The following WHRN variants were observed in gnomAD, a reference collection of about 807,000 sequenced individuals.
WHRN encodes whirlin, also known as CASK-interacting protein CIP98.
In WHRN, 41 loss-of-function variants were observed where a neutral mutation model predicts 68.3. The ratio of observed to expected loss-of-function variants is 0.60; its 90% CI spans 0.47 to 0.78. The LOEUF (loss-of-function observed/expected upper bound fraction) is 0.78, where lower values mean the gene tolerates loss of function less well. Ranked by LOEUF, WHRN falls within the 30% of genes least tolerant of loss-of-function variation. The pLI, the probability that WHRN is intolerant of heterozygous loss-of-function variation, is 0.00. For missense variants in WHRN, 1,243 were observed against 1,244.7 expected, an observed-to-expected ratio of 1.00 and a Z score of 0.02; for synonymous variants, 560 against 561.3, an observed-to-expected ratio of 1.00 and a Z score of 0.03.
chr9:114,504,977 T>G lies in WHRN; in HGVS notation c.-176A>C. Reference sequence around the variant, plus strand: ...CCTAGGGGGTCGCGGAGACCGCTGCTAGAGTCCCGGAGGCGCGAAGACGGC... The same window carrying G: ...CCTAGGGGGTCGCGGAGACCGCTGCGAGAGTCCCGGAGGCGCGAAGACGGC... On this transcript the variant is annotated 5_prime_UTR_variant, in exon 1 of 12. Transcript: ENST00000362057. 1.0e-6 allele frequency: 1 copy of G among 957,288 alleles called. No individual in the cohort carries two copies. The allele number at this position is 957,288 out of a possible 1,614,324, so 59.3% of individuals were successfully genotyped here.
intron 2 of WHRN, among the ~76,000 whole-genome samples, chr9:114,469,202 G>C (rs567208970): frequency 6.6e-6 from 1 of 152,214 alleles, no homozygotes; most frequent in African/African-American, 2.4e-5. Context: ...CAGCAGGTGC[G>C]ACCTGGAAAG....
In WHRN at chr9:114,402,724, C is replaced by A. The variant is rs376359022; in HGVS notation, c.*30G>T. 47 of 1,612,884 alleles carry A rather than the reference C, an allele frequency of 2.9e-5. No individual in the cohort carries two copies. In the African/African-American group the frequency reaches 6.0e-4, roughly 21 times the overall value. On this transcript the variant is annotated 3_prime_UTR_variant, in exon 12 of 12. Coordinates refer to ENST00000362057, the MANE Select transcript of WHRN (RefSeq NM_015404.4). ...AAAGGGACTGGGACCAGGGGCTGGG[C>A]AGTGGTGGGAGGCCCTCAGGCCTTG...
In WHRN at chr9:114,434,395, T is replaced by C. The variant is rs190804671; in HGVS notation, c.964-7982A>G. Among the ~76,000 whole-genome samples, 35 of 152,302 alleles carry C rather than the reference T, an allele frequency of 2.3e-4. No individual in the cohort carries two copies. In the East Asian group the frequency reaches 5.6e-3, roughly 24 times the overall value. On this transcript the variant is annotated intron_variant, in intron 3 of 11. Coordinates refer to ENST00000362057, the MANE Select transcript of WHRN (RefSeq NM_015404.4). Reference sequence around the variant, plus strand: ...ACTAGGCTGTCCAACAACTATTATTTACATTTAAATTACAATAAAATTAAA... The same window carrying C: ...ACTAGGCTGTCCAACAACTATTATTCACATTTAAATTACAATAAAATTAAA...
At chr9:114,479,058 C>T (rs563949384) in intron 1 of WHRN, among the ~76,000 whole-genome samples, 12 of 152,304 alleles carry the variant, frequency 7.9e-5, no homozygotes, top group Admixed American at 3.3e-4. Flanking sequence ...CAGGAAGGCT[C>T]GTTTACAAGG....
chr9:114,471,943 CA>C (rs2133048362), intron 2 of WHRN, among the ~76,000 whole-genome samples: 1 of 152,324 alleles, frequency 6.6e-6, no homozygotes, highest in African/African-American at 2.4e-5. Context: ...AGCTGTGAAG[CA>C]ATGAGCCCAA....
intron 5 of WHRN, 56 bp from the exon 6 acceptor site, chr9:114,424,602 G>A (rs1836643847): frequency 6.5e-7 from 1 of 1,533,572 alleles, no homozygotes; most frequent in Admixed American, 1.9e-5. Flanking sequence ...GAGCTGAGTG[G>A]CCATGCCACT....
intron 1 of WHRN, among the ~76,000 whole-genome samples, chr9:114,490,539 T>C (rs1842893712): frequency 7.7e-6 from 1 of 130,268 alleles, no homozygotes; most frequent in Non-Finnish European, 1.6e-5. Context: ...AAAAAAGATA[T>C]AAAAACCAAC....
At position 114,423,415 on chromosome 9, in the gene WHRN, G is replaced by C. The variant is rs199867371; in HGVS notation, c.1525C>G (p.Pro509Ala). 406 of 1,614,068 alleles carry C rather than the reference G, an allele frequency of 2.5e-4. 3 individuals are homozygous for C. Among genetic ancestry groups the C allele is most frequent in the Non-Finnish European group, 3.6e-5 (42 of 1,180,002 alleles). Residue 509 changes from proline (P) to alanine (A), a missense_variant, in exon 7 of 12, where the codon CCA (proline) becomes GCA (alanine). Physicochemically the swap from Pro to Ala is conservative, Grantham distance 27. Coordinates refer to ENST00000362057, the MANE Select transcript of WHRN (RefSeq NM_015404.4). ...EIESMKARQP[P>A]GPGAGDTYSM... is the part of the protein sequence containing the mutation. ...TAGGTGTCCCCAGCCCCGGGGCCTG[G>C]GGGCTGCCGCGCCTTCATGGACTCA...
At chr9:114,405,059 T>A (rs191922156) in intron 9 of WHRN, among the ~76,000 whole-genome samples, 1,360 of 119,632 alleles carry the variant, frequency 0.011, 26 homozygotes, top group African/African-American at 0.039. Flanking sequence ...TACTACTTTC[T>A]CTCTCTCTCT....
Position 114,402,474 on chromosome 9 carries a change from C to G in WHRN, c.*280G>C. The G allele has an allele frequency of 2.0e-6, 1 of 498,240 alleles. No individual in the cohort carries two copies. The highest frequency in any genetic ancestry group is 2.1e-5 in the South Asian group (1 of 47,938). 30.9% of individuals were successfully genotyped at this position (498,240 alleles called of 1,614,324 possible). A position where few individuals can be genotyped will look rare whatever the true frequency, so the allele number is the denominator to read the frequency against. On this transcript the variant is annotated 3_prime_UTR_variant, in exon 12 of 12. Transcript: ENST00000362057. ...AACCCAACCTGGAGAAACCAGCACT[C>G]TGCCCTTCCTTTTCCTTTCTTCCTG...
chr9:114,474,281 C>T (rs1390625740), intron 2 of WHRN, among the ~76,000 whole-genome samples: 1 of 152,184 alleles, frequency 6.6e-6, no homozygotes, highest in Non-Finnish European at 1.5e-5. Flanking sequence ...TAGCCATCCT[C>T]ACCCCTCTTG....
In WHRN at chr9:114,458,422, A is replaced by G. The variant is rs527382576; in HGVS notation, c.963+7845T>C. Among the ~76,000 whole-genome samples the G allele has an allele frequency of 4.5e-4, 68 of 152,342 alleles. 1 individual carries two copies. The highest frequency in any genetic ancestry group is 1.3e-3 in the Admixed American group (20 of 15,306). On this transcript the variant is annotated intron_variant, in intron 3 of 11. Coordinates refer to ENST00000362057, the MANE Select transcript of WHRN (RefSeq NM_015404.4). ...GCAAATGTGTATTTTTGCGGGCTTC[A>G]TATTATCATTTTTTCCTATTGTGAT... is the stretch of plus-strand genomic sequence containing the variant.
intron 8 of WHRN, 41 bp from the exon 9 acceptor site, chr9:114,406,933 A>G (rs771636467): frequency 6.5e-7 from 1 of 1,550,222 alleles, no homozygotes; most frequent in South Asian, 1.2e-5. Context: ...GTCAGACCCC[A>G]TCACGCCTGG....
intron 1 of WHRN, among the ~76,000 whole-genome samples, chr9:114,492,658 CT>C (rs1333992946): frequency 6.6e-6 from 1 of 152,060 alleles, no homozygotes; most frequent in African/African-American, 2.4e-5. Flanking sequence ...TGGGGAGGGT[CT>C]TTTGGCGTTT....
At position 114,402,523 on chromosome 9, in the gene WHRN, C is replaced by T. The variant is rs947756440; in HGVS notation, c.*231G>A. 1.9e-5 allele frequency: 11 copies of T among 592,896 alleles called. No homozygotes were observed. The highest frequency in any genetic ancestry group is 3.0e-5 in the Non-Finnish European group (10 of 333,006). 36.7% of individuals were successfully genotyped at this position (592,896 alleles called of 1,614,324 possible). On this transcript the variant is annotated 3_prime_UTR_variant, in exon 12 of 12. Transcript: ENST00000362057. ...TGTCTTGCAACCCACTTGTCCTGGG[C>T]GCCTACTGTGTACCCAGTACAGCAC...
At chr9:114,459,487 A>G (rs1840074776) in intron 3 of WHRN, among the ~76,000 whole-genome samples, 1 of 152,118 alleles carries the variant, frequency 6.6e-6, no homozygotes, top group Admixed American at 6.5e-5. Flanking sequence ...CCTACCTCCT[A>G]GAGCTGGGTA....
chr9:114,497,267 GA>G (rs952489030), intron 1 of WHRN, among the ~76,000 whole-genome samples: 11 of 151,998 alleles, frequency 7.2e-5, no homozygotes, highest in African/African-American at 2.4e-4. Context: ...CAGGTGGAGA[GA>G]AAAAAAATCA....
chr9:114,492,374 TCTAA>T (rs1259125399), intron 1 of WHRN, among the ~76,000 whole-genome samples: 3 of 152,106 alleles, frequency 2.0e-5, no homozygotes, highest in African/African-American at 7.2e-5. Context: ...AAACAAACTG[TCTAA>T]CAAGAAGAAA....
chr9:114,406,577 C>T lies in WHRN; in HGVS notation c.2014G>A (p.Val672Ile), dbSNP rs747709329. ...AAGGGGCCGATGGGGTGTTGGTTGACCAGGGCCAGATGGGCGTCCAGCGGC... is the reference window on the plus strand; with the variant it reads ...AAGGGGCCGATGGGGTGTTGGTTGATCAGGGCCAGATGGGCGTCCAGCGGC... ...KRPLDAHLAL[V>I]NQHPIGPFPR... Residue 672 changes from valine (V) to isoleucine (I), a missense_variant, in exon 9 of 12, where the codon GTC becomes ATC. Transcript: ENST00000362057. 3 of 1,611,196 alleles carry T rather than the reference C, an allele frequency of 1.9e-6. No individual in the cohort carries two copies. Among genetic ancestry groups the T allele is most frequent in the Admixed American group, 3.3e-5 (2 of 59,916 alleles).
Sources: gnomAD v4.1 joint callset for allele counts (sites outside exome capture counted in the v4.1 genomes callset) on GRCh38, gnomAD v4.1.1 for gene constraint, MANE v1.5 for transcripts, NCBI Gene and HGNC (gene_info 2026-07-23, HGNC 2026-07-21) for gene names.